The following EIPR1 variants were observed in gnomAD, a reference collection of about 807,000 sequenced individuals.
The protein encoded by EIPR1 is EARP and GARP complex-interacting protein 1.
EIPR1 carries 25 observed loss-of-function variants against 48.1 expected under a neutral mutation model. The ratio of observed to expected loss-of-function variants is 0.52; its 90% CI spans 0.38 to 0.73. EIPR1 has a LOEUF of 0.73. Ranked by LOEUF, EIPR1 falls within the 30% of genes least tolerant of loss-of-function variation. EIPR1 has a pLI of 0.00. For missense variants in EIPR1, 415 were observed against 506.2 expected, an observed-to-expected ratio of 0.82 and a Z score of 1.73; for synonymous variants, 204 against 201.9, an observed-to-expected ratio of 1.01 and a Z score of -0.09.
At chr2:3,246,821 G>GGAGGA (rs1666818134) in intron 4 of EIPR1, among the ~76,000 whole-genome samples, 1 of 33,602 alleles carries the variant, frequency 3.0e-5, no homozygotes, top group African/African-American at 1.3e-4. Context: ...GGGAGGGAGG[G>GGAGGA]AGGAAGGGAG....
chr2:3,335,605 G>C (rs749301889), intron 3 of EIPR1, among the ~76,000 whole-genome samples: 1 of 152,196 alleles, frequency 6.6e-6, no homozygotes, highest in Non-Finnish European at 1.5e-5. Context: ...GATGTGGTTT[G>C]GGTCTGTGTC....
At chr2:3,340,314 C>T (rs556891782) in intron 2 of EIPR1, among the ~76,000 whole-genome samples, 2 of 152,200 alleles carry the variant, frequency 1.3e-5, no homozygotes, top group African/African-American at 4.8e-5. Flanking sequence ...GCACCGGGTC[C>T]TGGGGCCAAG....
chr2:3,348,835 C>A (rs775768340), intron 2 of EIPR1, among the ~76,000 whole-genome samples: 1 of 152,234 alleles, frequency 6.6e-6, no homozygotes, highest in Non-Finnish European at 1.5e-5. Flanking sequence ...TGAGGGATGG[C>A]GGCTTCCGAC....
chr2:3,189,057 A>C lies in EIPR1; in HGVS notation c.*277T>G, dbSNP rs1234220962. On this transcript the variant is annotated 3_prime_UTR_variant, in exon 9 of 9. Coordinates refer to ENST00000382125, the MANE Select transcript of EIPR1 (RefSeq NM_003310.5). The surrounding 1 kb of genome is among the most constrained non-coding windows in gnomAD (Gnocchi z 4.6). ...GGAACAGACATTTTTTTAAAAAGCG[A>C]AACTCCTGACACCCTTAAAACAGAA... 3.2e-6 allele frequency: 1 copy of C among 315,758 alleles called. No individual in the cohort carries two copies. Among genetic ancestry groups the C allele is most frequent in the East Asian group, 4.9e-5 (1 of 20,220 alleles). 19.6% of individuals were successfully genotyped at this position (315,758 alleles called of 1,614,324 possible). A position where few individuals can be genotyped will look rare whatever the true frequency, so the allele number is the denominator to read the frequency against.
At chr2:3,323,783 T>G (rs1256948270) in intron 3 of EIPR1, among the ~76,000 whole-genome samples, 1 of 152,204 alleles carries the variant, frequency 6.6e-6, no homozygotes, top group African/African-American at 2.4e-5. Flanking sequence ...TCTGAAAAGC[T>G]GGGATTTCCA....
chr2:3,256,285 A>G (rs1396640245), intron 4 of EIPR1, among the ~76,000 whole-genome samples: 1 of 152,128 alleles, frequency 6.6e-6, no homozygotes, highest in African/African-American at 2.4e-5. Context: ...TCCCTCTTCA[A>G]TTCCTCTAAT....
At chr2:3,291,350 C>A (rs1472859773) in intron 3 of EIPR1, among the ~76,000 whole-genome samples, 1 of 152,118 alleles carries the variant, frequency 6.6e-6, no homozygotes, top group Non-Finnish European at 1.5e-5. Context: ...TGCCGTGTAC[C>A]CCAACCCACG....
At chr2:3,370,423 G>C (rs1393386408) in intron 1 of EIPR1, among the ~76,000 whole-genome samples, 1 of 152,224 alleles carries the variant, frequency 6.6e-6, no homozygotes, top group East Asian at 1.9e-4. Context: ...GAAGGCTTCA[G>C]ACGATCAAAC....
At chr2:3,206,409 G>T (rs1255373500) in intron 5 of EIPR1, among the ~76,000 whole-genome samples, 1 of 152,226 alleles carries the variant, frequency 6.6e-6, no homozygotes, top group Non-Finnish European at 1.5e-5. Context: ...CATCCCCTGG[G>T]GAGACGAAGT....
intron 8 of EIPR1, among the ~76,000 whole-genome samples, chr2:3,190,791 A>C (rs1664579892): frequency 6.6e-6 from 1 of 152,182 alleles, no homozygotes; most frequent in South Asian, 2.1e-4. Context: ...ATTCTATGGC[A>C]GACCGAGTTT....
chr2:3,341,264 C>T (rs1406457177), intron 2 of EIPR1, among the ~76,000 whole-genome samples: 2 of 152,158 alleles, frequency 1.3e-5, no homozygotes, highest in South Asian at 2.1e-4. Flanking sequence ...GCACCTTGTG[C>T]GATTACCTCA....
chr2:3,232,672 A>G (rs1666278570), intron 4 of EIPR1, among the ~76,000 whole-genome samples: 2 of 152,168 alleles, frequency 1.3e-5, no homozygotes, highest in Non-Finnish European at 2.9e-5. Flanking sequence ...TTAGGACAGC[A>G]TCACACTCAC....
At chr2:3,278,695 G>A (rs977904733) in intron 3 of EIPR1, among the ~76,000 whole-genome samples, 1 of 152,178 alleles carries the variant, frequency 6.6e-6, no homozygotes, top group Non-Finnish European at 1.5e-5. Flanking sequence ...AGGGCCCCCA[G>A]ACCATCAGCG....
In EIPR1 at chr2:3,307,156, T is replaced by C. The variant is rs183198399; in HGVS notation, c.259+30861A>G. Among the ~76,000 whole-genome samples, 41 of 152,140 alleles carry C rather than the reference T, an allele frequency of 2.7e-4. No individual in the cohort carries two copies. The East Asian group carries it at 7.8e-3, about 29-fold the overall frequency. On this transcript the variant is annotated intron_variant, in intron 3 of 8. Transcript: ENST00000382125. ...TTTTGTATTTTAGTAGAGATGGGGT[T>C]CTACCATGTTGGACAGGCTGGTCTC...
chr2:3,366,285 G>T (rs1230829985), intron 1 of EIPR1, among the ~76,000 whole-genome samples: 1 of 152,196 alleles, frequency 6.6e-6, no homozygotes, highest in Non-Finnish European at 1.5e-5. Context: ...TCCAGCCTGG[G>T]TGACAGCAAA....
intron 3 of EIPR1, among the ~76,000 whole-genome samples, chr2:3,308,313 C>T (rs1280804013): frequency 6.6e-6 from 1 of 152,166 alleles, no homozygotes; most frequent in Non-Finnish European, 1.5e-5. Context: ...CATAAAGATG[C>T]TTCCATGAGG....
intron 1 of EIPR1, among the ~76,000 whole-genome samples, chr2:3,376,309 A>T (rs996981004): frequency 6.6e-6 from 1 of 152,188 alleles, no homozygotes. Context: ...CATAGTTAAT[A>T]AGTGCTAGAG....
intron 5 of EIPR1, chr2:3,207,817 A>G (rs2103124726): frequency 6.6e-6 from 1 of 152,368 alleles, no homozygotes; most frequent in South Asian, 2.1e-4. Flanking sequence ...AAGACTAATA[A>G]GAAAATGCTA....
At chr2:3,229,631 C>T (rs978730622) in intron 4 of EIPR1, among the ~76,000 whole-genome samples, 3 of 152,226 alleles carry the variant, frequency 2.0e-5, no homozygotes, top group Non-Finnish European at 4.4e-5. Context: ...CGTGATAGAT[C>T]TTTGCTTGTT....
Sources: allele counts gnomAD v4.1 joint callset (sites outside exome capture counted in the v4.1 genomes callset), GRCh38; gene constraint gnomAD v4.1.1; non-coding constraint Gnocchi (gnomAD v3.1); transcripts MANE v1.5; gene names NCBI Gene and HGNC (gene_info 2026-07-23, HGNC 2026-07-21).